EPHA3: variants seen among roughly 807,000 people sequenced by gnomAD.
EPHA3 encodes the protein EPH receptor A3.
EPHA3 carries 42 observed loss-of-function variants against 107.1 expected under a neutral mutation model. The observed-to-expected ratio is 0.39, with a 90% CI of 0.31 to 0.51. EPHA3 has a LOEUF of 0.51. Ranked by LOEUF, EPHA3 falls within the 20% of genes least tolerant of loss-of-function variation. The pLI, the probability that EPHA3 is intolerant of heterozygous loss-of-function variation, is 0.78. For synonymous variants in EPHA3, 461 were observed against 424.8 expected (o/e 1.09, Z -1.05); for missense variants, 1,183 against 1,211.2 (o/e 0.98, Z 0.35).
chr3:89,197,533 A>G (rs1329939550), intron 2 of EPHA3, among the ~76,000 whole-genome samples: 2 of 152,198 alleles, frequency 1.3e-5, no homozygotes, highest in African/African-American at 2.4e-5. Flanking sequence ...TACTTTTAAA[A>G]AAGATAATAG....
Position 89,156,772 on chromosome 3 carries a change from C to A in EPHA3, c.153+29499C>A, listed in dbSNP as rs546915189. On this transcript the variant is annotated intron_variant, in intron 2 of 16. Coordinates refer to ENST00000336596, the MANE Select transcript of EPHA3 (RefSeq NM_005233.6). ...AGCAGGAACATTTTATTTAAAAAAA[C>A]GAGACCATGAAAGTGCTAAATATAT... Among the ~76,000 whole-genome samples, 10 of 151,906 alleles carry A rather than the reference C, an allele frequency of 6.6e-5. No individual in the cohort carries two copies. In the East Asian group the frequency reaches 1.9e-3, roughly 30 times the overall value.
At chr3:89,259,248 T>C (rs1705360594) in intron 3 of EPHA3, among the ~76,000 whole-genome samples, 1 of 152,182 alleles carries the variant, frequency 6.6e-6, no homozygotes, top group African/African-American at 2.4e-5. Flanking sequence ...GCCACCTTGC[T>C]GCTGCTTGCA....
intron 10 of EPHA3, among the ~76,000 whole-genome samples, chr3:89,415,902 A>G (rs573297827): frequency 2.2e-4 from 34 of 151,630 alleles, no homozygotes; most frequent in African/African-American, 8.0e-4. Context: ...CCAAAATTTG[A>G]ATCTTATACT....
At chr3:89,166,149 C>T (rs571762139) in intron 2 of EPHA3, among the ~76,000 whole-genome samples, 29 of 152,216 alleles carry the variant, frequency 1.9e-4, no homozygotes, top group African/African-American at 5.3e-4. Flanking sequence ...CCTAAACGTC[C>T]GGGTAGTTTT....
chr3:89,147,380 G>T (rs1253672169), intron 2 of EPHA3, among the ~76,000 whole-genome samples: 1 of 151,680 alleles, frequency 6.6e-6, no homozygotes, highest in Non-Finnish European at 1.5e-5. Flanking sequence ...CTAAATGTAA[G>T]GTTTCTAAGA....
At chr3:89,133,052 A>C (rs1298085931) in intron 2 of EPHA3, among the ~76,000 whole-genome samples, 2 of 152,212 alleles carry the variant, frequency 1.3e-5, no homozygotes, top group African/African-American at 4.8e-5. Context: ...CATGTGAAAG[A>C]GCTATATAAA....
intron 16 of EPHA3, 78 bp downstream of exon 16, chr3:89,472,697 T>C: frequency 7.0e-7 from 1 of 1,435,280 alleles, no homozygotes; most frequent in South Asian, 1.3e-5. Context: ...ATTTGTAACA[T>C]CTTGGCTTGA....
intron 3 of EPHA3, among the ~76,000 whole-genome samples, chr3:89,275,594 C>T (rs2107305547): frequency 6.6e-6 from 1 of 152,176 alleles, no homozygotes; most frequent in African/African-American, 2.4e-5. Context: ...AAGTCCATAA[C>T]CCATTTACAA....
In EPHA3 at chr3:89,413,263, G is replaced by A. The variant is rs1709188990; in HGVS notation, c.1885G>A (p.Ala629Thr). The change falls in exon 10 of 17, where the codon GCA becomes ACA. Residue 629 changes from alanine (A) to threonine (T), a missense_variant. Coordinates refer to ENST00000336596, the MANE Select transcript of EPHA3 (RefSeq NM_005233.6). ...TNISIDKVVG[A>T]GEFGEVCSGR... ...CATATCCATTGATAAAGTTGTTGGA[G>A]CAGGTAACCACAATGACCCTACTGC... 6.2e-7 allele frequency: 1 copy of A among 1,611,334 alleles called. No individual in the cohort carries two copies.
intron 3 of EPHA3, among the ~76,000 whole-genome samples, chr3:89,258,580 C>T (rs889121270): frequency 1.3e-5 from 2 of 152,032 alleles, no homozygotes; most frequent in Non-Finnish European, 2.9e-5. Context: ...TAAAACAAAT[C>T]AAGTAAAGTG....
At chr3:89,202,893 G>A (rs183662238) in intron 2 of EPHA3, among the ~76,000 whole-genome samples, 18 of 152,268 alleles carry the variant, frequency 1.2e-4, no homozygotes, top group African/African-American at 4.3e-4. Flanking sequence ...ATAGAACACT[G>A]TGAGGATTTA....
At chr3:89,456,441 T>G (rs1302266504) in intron 15 of EPHA3, among the ~76,000 whole-genome samples, 1 of 152,228 alleles carries the variant, frequency 6.6e-6, no homozygotes, top group Non-Finnish European at 1.5e-5. Context: ...GGTCAAATTT[T>G]ATTTTTTTCT....
chr3:89,388,377 C>A lies in EPHA3; in HGVS notation c.1307-7460C>A, dbSNP rs1395908711. Among the ~76,000 whole-genome samples the A allele has an allele frequency of 3.9e-5, 6 of 152,182 alleles. No homozygotes were observed. The East Asian group carries it at 5.8e-4, about 15-fold the overall frequency. ...TGATGTAATTACAACACAATGCAGT[C>A]AGATAAATAATGGGAGAAGGAGCAA... On this transcript the variant is annotated intron_variant, in intron 5 of 16. Coordinates refer to ENST00000336596, the MANE Select transcript of EPHA3 (RefSeq NM_005233.6).
At chr3:89,361,175 A>G (rs1408075080) in intron 5 of EPHA3, among the ~76,000 whole-genome samples, 2 of 151,088 alleles carry the variant, frequency 1.3e-5, no homozygotes, top group Admixed American at 1.3e-4. Context: ...AAAAGATGCC[A>G]TTAGTGTTGC....
intron 7 of EPHA3, 155 bp downstream of exon 7, chr3:89,399,635 A>G (rs1225262551): frequency 7.4e-7 from 1 of 1,348,378 alleles, no homozygotes; most frequent in Non-Finnish European, 9.6e-7. Flanking sequence ...CTGTGTCTGT[A>G]TACAGTATTT....
chr3:89,225,398 C>T (rs1704480919), intron 3 of EPHA3, among the ~76,000 whole-genome samples: 1 of 152,222 alleles, frequency 6.6e-6, no homozygotes, highest in African/African-American at 2.4e-5. Flanking sequence ...CCTTGTGGAA[C>T]CTTTACATTT....
intron 1 of EPHA3, among the ~76,000 whole-genome samples, chr3:89,116,526 A>G (rs1271940631): frequency 6.6e-6 from 1 of 152,160 alleles, no homozygotes; most frequent in Non-Finnish European, 1.5e-5. Flanking sequence ...TAGCTAAAAC[A>G]GGCTTTTGAA....
intron 15 of EPHA3, among the ~76,000 whole-genome samples, chr3:89,458,833 G>A (rs1249894071): frequency 6.6e-6 from 1 of 152,160 alleles, no homozygotes; most frequent in African/African-American, 2.4e-5. Context: ...TATACACCAT[G>A]GAATACTATG....
chr3:89,469,896 A>G (rs980422007), intron 15 of EPHA3, among the ~76,000 whole-genome samples: 3 of 152,154 alleles, frequency 2.0e-5, no homozygotes, highest in Non-Finnish European at 2.9e-5. Context: ...TTGAATTTAA[A>G]CACTTCAAAT....
Sources: allele counts gnomAD v4.1 joint callset (sites outside exome capture counted in the v4.1 genomes callset), GRCh38; gene constraint gnomAD v4.1.1; transcripts MANE v1.5; gene names NCBI Gene and HGNC (gene_info 2026-07-23, HGNC 2026-07-21).